The following LARS2 variants were observed in gnomAD, a reference collection of about 807,000 sequenced individuals.
LARS2 encodes the protein leucine--tRNA ligase, mitochondrial.
LARS2 carries 81 observed loss-of-function variants against 116.6 expected under a neutral mutation model. The ratio of observed to expected loss-of-function variants is 0.69; its 90% confidence interval spans 0.58 to 0.84. The LOEUF (loss-of-function observed/expected upper bound fraction) is 0.84, where lower values mean the gene tolerates loss of function less well. Among genes scored for constraint, LARS2 ranks in the 40% least tolerant of loss-of-function variants. LARS2 has a pLI of 0.00. For missense variants in LARS2, 968 were observed against 1,114.5 expected, an observed-to-expected ratio of 0.87 and a Z score of 1.87; for synonymous variants, 396 against 407.2, an observed-to-expected ratio of 0.97 and a Z score of 0.33.
At chr3:45,419,057 A>T (rs1174160048) in intron 5 of LARS2, among the ~76,000 whole-genome samples, 1 of 152,250 alleles carries the variant, frequency 6.6e-6, no homozygotes, top group East Asian at 1.9e-4. Flanking sequence ...AGTCTGCTAG[A>T]ATCTAAAAGA....
chr3:45,529,602 C>A (rs1351007194), intron 20 of LARS2, among the ~76,000 whole-genome samples: 1 of 151,568 alleles, frequency 6.6e-6, no homozygotes. Context: ...AAAATTATTT[C>A]CTAAGAACAC....
At chr3:45,451,277 C>T (rs915376186) in intron 7 of LARS2, among the ~76,000 whole-genome samples, 2 of 151,648 alleles carry the variant, frequency 1.3e-5, no homozygotes, top group East Asian at 3.9e-4. Flanking sequence ...AAAAATTTGT[C>T]CAAGCCAATG....
intron 4 of LARS2, among the ~76,000 whole-genome samples, chr3:45,407,018 G>A (rs936217351): frequency 6.6e-6 from 1 of 152,148 alleles, no homozygotes; most frequent in Admixed American, 6.5e-5. Context: ...AAGCATCAAG[G>A]TGCCAAGTCC....
intron 4 of LARS2, among the ~76,000 whole-genome samples, chr3:45,409,961 A>G (rs1296351183): frequency 1.3e-5 from 2 of 152,222 alleles, no homozygotes; most frequent in Admixed American, 1.3e-4. Flanking sequence ...TTCCATGTTA[A>G]TTCTATCTGA....
At chr3:45,476,432 C>T in intron 9 of LARS2, 36 bp from the exon 10 acceptor site, 2 of 1,611,788 alleles carry the variant, frequency 1.2e-6, no homozygotes, top group Non-Finnish European at 1.7e-6. Flanking sequence ...AAAGGGAGGA[C>T]TGAGAAATGA....
intron 6 of LARS2, among the ~76,000 whole-genome samples, chr3:45,434,589 T>A (rs1698770529): frequency 6.6e-6 from 1 of 152,244 alleles, no homozygotes; most frequent in Non-Finnish European, 1.5e-5. Flanking sequence ...TGTATGTTGA[T>A]AATCTTTTCG....
intron 6 of LARS2, among the ~76,000 whole-genome samples, chr3:45,439,307 C>CGCCTCCTGGATTCAAGCAATTCCCT (rs1698864474): frequency 6.7e-6 from 1 of 149,542 alleles, no homozygotes; most frequent in African/African-American, 2.5e-5. Context: ...CCGCAACCTC[C>CGCCTCCTGGATTCAAGCAATTCCCT]GCCTCCTGGA....
chr3:45,475,770 G>C (rs1699598977), intron 9 of LARS2, among the ~76,000 whole-genome samples: 1 of 152,196 alleles, frequency 6.6e-6, no homozygotes, highest in Non-Finnish European at 1.5e-5. Context: ...GGCTCCATAG[G>C]TGACACCTAA....
intron 10 of LARS2, among the ~76,000 whole-genome samples, chr3:45,484,532 G>C (rs35134932): frequency 7.1e-6 from 1 of 141,540 alleles, no homozygotes; most frequent in Non-Finnish European, 1.5e-5. Flanking sequence ...TTGGGAGTCT[G>C]AGGTGGGAGT....
intron 8 of LARS2, among the ~76,000 whole-genome samples, chr3:45,472,059 A>G (rs978633384): frequency 8.5e-5 from 13 of 152,216 alleles, no homozygotes; most frequent in Non-Finnish European, 1.6e-4. Context: ...AACTTAAGCC[A>G]AGGAGGAATT....
chr3:45,456,243 A>G (rs1699211617), intron 7 of LARS2, among the ~76,000 whole-genome samples: 1 of 152,140 alleles, frequency 6.6e-6, no homozygotes, highest in African/African-American at 2.4e-5. Context: ...ATCACACTGT[A>G]TTCTATAAAT....
intron 7 of LARS2, 30 bp from the exon 8 acceptor site, chr3:45,458,713 T>C (rs1398575829): frequency 1.9e-6 from 3 of 1,608,430 alleles, no homozygotes; most frequent in East Asian, 2.2e-5. Context: ...ACTCACCAGA[T>C]TGTGCCATTT....
At position 45,400,372 on chromosome 3, in the gene LARS2, A is replaced by G. The variant is rs200681375; in HGVS notation, c.362A>G (p.Gln121Arg). 801 of 1,602,100 alleles carry G rather than the reference A, an allele frequency of 5.0e-4. 12 individuals carry two copies. The South Asian group carries it at 7.8e-3, about 16-fold the overall frequency. ...IARFQKMRGM[Q>R]VINPMGWDAF... ...CGGTTCCAGAAGATGAGAGGGATGC[A>G]GGTAAGAACAGGTGCCTGCTGGAGC... Residue 121 changes from glutamine to arginine, a missense_variant and splice_region_variant, in exon 4 of 22, where the codon CAG becomes CGG. Coordinates refer to ENST00000645846, the MANE Select transcript of LARS2 (RefSeq NM_015340.4).
intron 4 of LARS2, among the ~76,000 whole-genome samples, chr3:45,415,854 A>T (rs1269708358): frequency 7.8e-5 from 8 of 102,508 alleles, no homozygotes; most frequent in Non-Finnish European, 1.3e-4. Context: ...TCTCAAAAAA[A>T]AAAAAAATAT....
intron 6 of LARS2, among the ~76,000 whole-genome samples, chr3:45,439,894 G>T (rs1698876810): frequency 6.6e-6 from 1 of 152,172 alleles, no homozygotes; most frequent in Non-Finnish European, 1.5e-5. Flanking sequence ...CACAGTATTT[G>T]GGAGAGAGAT....
At chr3:45,418,490 A>G (rs1698465785) in intron 5 of LARS2, among the ~76,000 whole-genome samples, 2 of 152,364 alleles carry the variant, frequency 1.3e-5, no homozygotes, top group Admixed American at 1.3e-4. Flanking sequence ...TGATGATTCA[A>G]ATAAAGTGGA....
chr3:45,494,831 G>A (rs1400594098), intron 13 of LARS2, among the ~76,000 whole-genome samples: 1 of 152,214 alleles, frequency 6.6e-6, no homozygotes, highest in Non-Finnish European at 1.5e-5. Flanking sequence ...ACTTTGGGAG[G>A]CTGAGGCAGG....
At position 45,428,242 on chromosome 3, in the gene LARS2, T is replaced by TTG. The variant is rs1553629078; in HGVS notation, c.516+8514_516+8515insGT. On this transcript the variant is annotated intron_variant, in intron 6 of 21. Coordinates refer to ENST00000645846, the MANE Select transcript of LARS2 (RefSeq NM_015340.4). ...CAAAAATGTACTATCTTAACCTGTTTTTTTTTTTTTTTTTTTTTTGAGATG... is the reference window on the plus strand; with the variant it reads ...CAAAAATGTACTATCTTAACCTGTTTTGTTTTTTTTTTTTTTTTTTTGAGATG... Among the ~76,000 whole-genome samples the TTG allele has an allele frequency of 2.2e-5, 3 of 136,786 alleles. 1 individual carries two copies. Among genetic ancestry groups the TTG allele is most frequent in the Admixed American group, 2.2e-4 (3 of 13,742 alleles). The allele number at this position is 136,786 out of a possible 152,430, so 89.7% of individuals were successfully genotyped here. A position where few individuals can be genotyped will look rare whatever the true frequency, so the allele number is the denominator to read the frequency against.
At chr3:45,427,296 C>T (rs970614111) in intron 6 of LARS2, among the ~76,000 whole-genome samples, 3 of 152,160 alleles carry the variant, frequency 2.0e-5, no homozygotes, top group South Asian at 2.1e-4. Flanking sequence ...CATATACTTA[C>T]AGCAGTGGTT....
Sources: gnomAD v4.1 joint callset for allele counts (sites outside exome capture counted in the v4.1 genomes callset) on GRCh38, gnomAD v4.1.1 for gene constraint, MANE v1.5 for transcripts, NCBI Gene and HGNC (gene_info 2026-07-23, HGNC 2026-07-21) for gene names.